The following COL4A1 variants were observed in gnomAD, a reference collection of about 807,000 sequenced individuals.
COL4A1 encodes the protein collagen alpha-1(IV) chain.
In COL4A1, 40 loss-of-function variants were observed where a neutral mutation model predicts 216.6. The ratio of observed to expected loss-of-function variants is 0.18; its 90% confidence interval spans 0.14 to 0.24. The LOEUF (loss-of-function observed/expected upper bound fraction) is 0.24, where lower values mean the gene tolerates loss of function less well. Ranked by LOEUF, COL4A1 falls within the 10% of genes least tolerant of loss-of-function variation. The pLI is 1.00. For synonymous variants in COL4A1, 839 were observed against 810.7 expected, an observed-to-expected ratio of 1.03 and a Z score of -0.59; for missense variants, 1,628 against 2,196.8, an observed-to-expected ratio of 0.74 and a Z score of 5.18.
chr13:110,201,739 T>G, intron 18 of COL4A1: 1 of 694,346 alleles, frequency 1.4e-6, no homozygotes, highest in Non-Finnish European at 2.7e-6. Flanking sequence ...ATCCCAGCAC[T>G]TTGGGAGGCT....
chr13:110,261,353 A>G (rs191119490), intron 1 of COL4A1, among the ~76,000 whole-genome samples: 319 of 152,288 alleles, frequency 2.1e-3, no homozygotes, highest in African/African-American at 7.4e-3. Flanking sequence ...CTCTCAAAAC[A>G]ACATTTGAAG....
At chr13:110,260,076 C>T (rs764775379) in intron 1 of COL4A1, among the ~76,000 whole-genome samples, 5 of 152,146 alleles carry the variant, frequency 3.3e-5, no homozygotes, top group Admixed American at 1.3e-4. Flanking sequence ...ATCTCTGCTC[C>T]GTGCCACCTG....
At chr13:110,176,541 A>G (rs772528117) in intron 35 of COL4A1, 28 bp from the exon 36 acceptor site, 1 of 1,601,260 alleles carries the variant, frequency 6.2e-7, no homozygotes, top group Non-Finnish European at 8.6e-7. Flanking sequence ...GCAGTCTGAC[A>G]GGTTGACATC....
intron 41 of COL4A1, 37 bp from the exon 42 acceptor site, chr13:110,170,769 C>T: frequency 6.2e-7 from 1 of 1,608,774 alleles, no homozygotes; most frequent in Non-Finnish European, 8.5e-7. Flanking sequence ...ATGGGAAACG[C>T]AGCAGCAGAA....
intron 2 of COL4A1, among the ~76,000 whole-genome samples, chr13:110,237,316 T>C (rs1881360324): frequency 6.6e-6 from 1 of 152,300 alleles, no homozygotes; most frequent in East Asian, 1.9e-4. Context: ...AATCCTGTTA[T>C]TTGTCTTTTA....
At chr13:110,256,519 G>T (rs1198152948) in intron 1 of COL4A1, among the ~76,000 whole-genome samples, 2 of 152,208 alleles carry the variant, frequency 1.3e-5, no homozygotes, top group Non-Finnish European at 2.9e-5. Flanking sequence ...GAGGATGTCA[G>T]TGCCCGGGAA....
chr13:110,243,480 G>C (rs531402591), intron 1 of COL4A1, among the ~76,000 whole-genome samples: 1 of 152,156 alleles, frequency 6.6e-6, no homozygotes, highest in African/African-American at 2.4e-5. Flanking sequence ...ACCACACCCA[G>C]CTAATTTTTT....
chr13:110,235,882 A>G (rs917418083), intron 2 of COL4A1, among the ~76,000 whole-genome samples: 6 of 152,124 alleles, frequency 3.9e-5, no homozygotes, highest in Non-Finnish European at 8.8e-5. Context: ...AACTATGTCT[A>G]TTGTTACCCA....
intron 1 of COL4A1, among the ~76,000 whole-genome samples, chr13:110,285,993 G>A (rs986101496): frequency 3.9e-5 from 6 of 152,148 alleles, no homozygotes; most frequent in African/African-American, 9.7e-5. Flanking sequence ...ATGGGACCCC[G>A]TTTAATTTTT....
Position 110,192,832 on chromosome 13 carries a change from A to C in COL4A1, c.1463T>G (p.Ile488Arg). 6.2e-7 allele frequency: 1 copy of C among 1,613,438 alleles called. No individual in the cohort carries two copies. Among genetic ancestry groups the C allele is most frequent in the Non-Finnish European group, 8.5e-7 (1 of 1,179,632 alleles). Reference protein sequence around the residue: ...PPGPQGPPGEIGFPGQPGAKG... With the variant: ...PPGPQGPPGERGFPGQPGAKG... The stretch of plus-strand genomic sequence containing the variant: ...TCCTTTTCACATGTGGGTCTTACCT[A>C]TTTCTCCCGGGGGTCCCTGTGGCCC... Residue 488 changes from isoleucine (I) to arginine (R), a missense_variant and splice_region_variant, in exon 23 of 52, where the codon ATA (isoleucine) becomes AGA (arginine). Around this residue, in one of 8 missense-constraint regions of COL4A1, gnomAD observed 701 missense variants for 892.5 expected, o/e 0.79. Transcript: ENST00000375820.
chr13:110,198,491 G>T lies in COL4A1; in HGVS notation c.1261C>A (p.Pro421Thr). 6.2e-7 allele frequency: 1 copy of T among 1,613,844 alleles called. No homozygotes were observed. The highest frequency in any genetic ancestry group is 8.5e-7 in the Non-Finnish European group (1 of 1,179,952). Residue 421 changes from proline (P) to threonine (T), a missense_variant, in exon 21 of 52, where the codon CCC becomes ACC. Around this residue, in one of 8 missense-constraint regions of COL4A1, gnomAD observed 701 missense variants for 892.5 expected, o/e 0.79. Transcript: ENST00000375820. ...CTTGTGTAGCCAGGCTGCCCAGGGG[G>T]CCCAGGGGAACCAGGAGGACCCGGG... The part of the protein sequence containing the change: ...GLPGPPGSPG[P>T]PGQPGYTNGI...
At chr13:110,221,321 A>G (rs1291693818) in intron 2 of COL4A1, among the ~76,000 whole-genome samples, 1 of 152,252 alleles carries the variant, frequency 6.6e-6, no homozygotes, top group East Asian at 1.9e-4. Context: ...TTTGCACATC[A>G]GCTTAAAAGA....
chr13:110,293,230 G>A (rs1884154825), intron 1 of COL4A1, among the ~76,000 whole-genome samples: 1 of 152,188 alleles, frequency 6.6e-6, no homozygotes, highest in Non-Finnish European at 1.5e-5. Flanking sequence ...GTGTAGGACT[G>A]TGGCACCTAG....
chr13:110,170,779 A>G, intron 41 of COL4A1, 47 bp from the exon 42 acceptor site: 1 of 1,601,786 alleles, frequency 6.2e-7, no homozygotes, highest in Non-Finnish European at 8.5e-7. Flanking sequence ...CAGCAGCAGA[A>G]CAGTAATCTC....
chr13:110,161,609 A>C (rs1877090056), intron 48 of COL4A1, among the ~76,000 whole-genome samples: 1 of 152,270 alleles, frequency 6.6e-6, no homozygotes. Flanking sequence ...ATGGTTCGTT[A>C]TACGATGGAT....
At chr13:110,216,865 G>A (rs1053703225) in intron 2 of COL4A1, among the ~76,000 whole-genome samples, 9 of 152,160 alleles carry the variant, frequency 5.9e-5, no homozygotes, top group African/African-American at 1.9e-4. Flanking sequence ...CTTGTCGTAC[G>A]TCACTGGGTG....
Position 110,207,106 on chromosome 13 carries a change from C to G in COL4A1, c.781-215G>C, listed in dbSNP as rs572023941. 2.0e-5 allele frequency among the ~76,000 whole-genome samples: 3 copies of G among 152,160 alleles called. No homozygotes were observed. Among genetic ancestry groups the G allele is most frequent in the East Asian group, 1.9e-4 (1 of 5,166 alleles). ...GACCCATGATGACTGGCCCTGCCCCCCTCCTGCCCCCCAGCCCAGCTCCCT... is the reference window on the plus strand; with the variant it reads ...GACCCATGATGACTGGCCCTGCCCCGCTCCTGCCCCCCAGCCCAGCTCCCT... On this transcript the variant is annotated intron_variant, in intron 13 of 51. Coordinates refer to ENST00000375820, the MANE Select transcript of COL4A1 (RefSeq NM_001845.6). The surrounding 1 kb of genome is among the most constrained non-coding windows in gnomAD (Gnocchi z 4.4).
chr13:110,212,470 C>T lies in COL4A1; in HGVS notation c.334G>A (p.Gly112Ser). Residue 112 changes from glycine (G) to serine (S), a missense_variant, in exon 6 of 52, where the codon GGC (glycine) becomes AGC (serine). Gly to Ser is a moderately conservative substitution (Grantham distance 56, BLOSUM62 0). Around this residue, in one of 8 missense-constraint regions of COL4A1, gnomAD observed 150 missense variants for 211.9 expected, o/e 0.71. Transcript: ENST00000375820. ...PGNPGLPGIP[G>S]QDGPPGPPGI... ...GGGGGGCCTGGCGGGCCGTCTTGGC[C>T]AGGAATTCCCTGCAATGAAGAAAGT... The T allele has an allele frequency of 1.9e-6, 3 of 1,614,148 alleles. No homozygotes were observed. The highest frequency in any genetic ancestry group is 2.5e-6 in the Non-Finnish European group (3 of 1,180,038).
intron 28 of COL4A1, among the ~76,000 whole-genome samples, chr13:110,182,312 G>A (rs1878203101): frequency 6.6e-6 from 1 of 152,152 alleles, no homozygotes; most frequent in African/African-American, 2.4e-5. Flanking sequence ...GGAGCCTCTG[G>A]GTAAGAAGCC....
Sources: gnomAD v4.1 joint callset for allele counts (sites outside exome capture counted in the v4.1 genomes callset) on GRCh38, gnomAD v4.1.1 for gene constraint, gnomAD v4.1.1 regional missense constraint, Gnocchi (gnomAD v3.1) non-coding constraint, MANE v1.5 for transcripts, NCBI Gene and HGNC (gene_info 2026-07-23, HGNC 2026-07-21) for gene names.